Variants in SPAG17 observed in about 807,000 individuals in gnomAD.
SPAG17 encodes the protein sperm-associated antigen 17.
Under a neutral mutation model 273.6 loss-of-function variants are expected in SPAG17, and 169 were observed. That is an observed-to-expected ratio of 0.62 (90% confidence interval 0.55 to 0.70). The LOEUF is 0.70. Ranked by LOEUF, SPAG17 falls within the 30% of genes least tolerant of loss-of-function variation. The probability of loss-of-function intolerance (pLI) is 0.00; values close to 1 mark genes in which losing one functional copy is unlikely to be tolerated. For missense variants in SPAG17, 2,557 were observed against 2,627.8 expected (o/e 0.97, Z 0.59); for synonymous variants, 825 against 873.2 (o/e 0.94, Z 0.97).
intron 29 of SPAG17, among the ~76,000 whole-genome samples, chr1:118,015,751 A>G (rs899826688): frequency 1.3e-5 from 2 of 152,190 alleles, no homozygotes; most frequent in African/African-American, 4.8e-5. Context: ...ACACAAAAAT[A>G]GTCCCTAATG....
At chr1:118,044,156 T>C (rs1650083846) in intron 20 of SPAG17, among the ~76,000 whole-genome samples, 1 of 152,192 alleles carries the variant, frequency 6.6e-6, no homozygotes, top group African/African-American at 2.4e-5. Context: ...ATACTTTTGT[T>C]TTCCTAGAGA....
chr1:118,133,679 G>A (rs1292776774), intron 3 of SPAG17, among the ~76,000 whole-genome samples: 1 of 152,084 alleles, frequency 6.6e-6, no homozygotes, highest in Non-Finnish European at 1.5e-5. Flanking sequence ...TTCCCTTGAG[G>A]CACCTCCTGC....
At chr1:118,053,219 T>C (rs1303550971) in intron 20 of SPAG17, among the ~76,000 whole-genome samples, 2 of 152,052 alleles carry the variant, frequency 1.3e-5, no homozygotes, top group Non-Finnish European at 2.9e-5. Context: ...CAATTAACAA[T>C]AAAGTTGATG....
intron 28 of SPAG17, among the ~76,000 whole-genome samples, chr1:118,018,590 T>G (rs939114624): frequency 1.3e-5 from 2 of 151,624 alleles, no homozygotes; most frequent in African/African-American, 4.9e-5. Flanking sequence ...CTTAGCATTT[T>G]GGGAGGCCAA....
intron 35 of SPAG17, 48 bp downstream of exon 35, chr1:117,994,358 G>C (rs1657426510): frequency 6.4e-7 from 1 of 1,568,174 alleles, no homozygotes; most frequent in African/African-American, 1.4e-5. Context: ...ATTGCCCTTG[G>C]ATGGATGTAT....
chr1:118,133,978 A>G (rs946185433), intron 3 of SPAG17, among the ~76,000 whole-genome samples: 7 of 152,222 alleles, frequency 4.6e-5, no homozygotes, highest in African/African-American at 1.7e-4. Flanking sequence ...TCAACCTTAT[A>G]ATTTTTGCTT....
chr1:118,103,574 A>G (rs1192859482), intron 4 of SPAG17, among the ~76,000 whole-genome samples: 2 of 152,144 alleles, frequency 1.3e-5, no homozygotes, highest in Non-Finnish European at 2.9e-5. Flanking sequence ...TGCACCAGGT[A>G]TAAATTGGTG....
intron 42 of SPAG17, among the ~76,000 whole-genome samples, chr1:117,981,757 A>T (rs1381757593): frequency 6.6e-6 from 1 of 152,208 alleles, no homozygotes; most frequent in Non-Finnish European, 1.5e-5. Context: ...GGCAACTGAG[A>T]TGTTATCTTT....
At chr1:118,103,691 A>G (rs1656210648) in intron 4 of SPAG17, among the ~76,000 whole-genome samples, 1 of 152,206 alleles carries the variant, frequency 6.6e-6, no homozygotes, top group Non-Finnish European at 1.5e-5. Context: ...AATTTTCGTG[A>G]CTGCTATGAA....
intron 48 of SPAG17, chr1:117,961,848 T>C (rs1653143450): frequency 6.6e-6 from 1 of 152,504 alleles, no homozygotes; most frequent in African/African-American, 2.4e-5. Flanking sequence ...CTAGGTGCTT[T>C]CCAAGGAGTC....
rs140201630 is a variant in SPAG17 at position 118,079,153 on chromosome 1, T to C, written c.2209+1948A>G. 2.1e-3 allele frequency among the ~76,000 whole-genome samples: 324 copies of C among 152,222 alleles called. 2 individuals carry two copies. The highest frequency in any genetic ancestry group is 7.6e-3 in the African/African-American group (315 of 41,588). The stretch of plus-strand genomic sequence containing the variant: ...TAATTTTTGTTAAGATTAGAATTAT[T>C]TCTTTCTTAGTGTTTGGTATCAGTT... On this transcript the variant is annotated intron_variant, in intron 15 of 48. Transcript: ENST00000336338.
chr1:118,098,004 G>A (rs141819553), intron 6 of SPAG17, among the ~76,000 whole-genome samples, 153 bp from the exon 7 acceptor site: 407 of 152,236 alleles, frequency 2.7e-3, no homozygotes, highest in African/African-American at 9.3e-3. Flanking sequence ...TTTTGAAGTC[G>A]GAGTATACAA....
At chr1:118,137,654 C>T (rs949376425) in intron 3 of SPAG17, among the ~76,000 whole-genome samples, 3 of 152,160 alleles carry the variant, frequency 2.0e-5, no homozygotes, top group African/African-American at 7.2e-5. Context: ...ATATAGAAAT[C>T]ATATTTCAAT....
At chr1:118,161,633 G>T (rs1313834763) in intron 1 of SPAG17, among the ~76,000 whole-genome samples, 1 of 152,122 alleles carries the variant, frequency 6.6e-6, no homozygotes, top group Non-Finnish European at 1.5e-5. Flanking sequence ...CGCCTCCCGG[G>T]TTTACGCCAT....
At chr1:118,062,499 C>A (rs1264627927) in intron 18 of SPAG17, among the ~76,000 whole-genome samples, 1 of 149,802 alleles carries the variant, frequency 6.7e-6, no homozygotes, top group East Asian at 1.9e-4. Flanking sequence ...ACAAAATAAA[C>A]CTGAAAACAA....
chr1:118,098,634 A>G (rs949666410), intron 6 of SPAG17, among the ~76,000 whole-genome samples: 3 of 152,146 alleles, frequency 2.0e-5, no homozygotes, highest in African/African-American at 7.2e-5. Context: ...CCTAGGTTTG[A>G]ACCTCAACTT....
rs532460606 is a variant in SPAG17 at position 118,008,657 on chromosome 1, C to T, written c.4433-459G>A. Among the ~76,000 whole-genome samples, 11 of 152,120 alleles carry T rather than the reference C, an allele frequency of 7.2e-5. No individual in the cohort carries two copies. The South Asian group carries it at 2.3e-3, about 32-fold the overall frequency. On this transcript the variant is annotated intron_variant, in intron 30 of 48. Coordinates refer to ENST00000336338, the MANE Select transcript of SPAG17 (RefSeq NM_206996.4). ...TTTACACTTTTATGTACATATATAT[C>T]ATGAACAATATAAATGTGTGTGCTT... is the stretch of plus-strand genomic sequence containing the variant.
intron 3 of SPAG17, among the ~76,000 whole-genome samples, chr1:118,129,659 TCTTC>T (rs1657942078): frequency 6.7e-6 from 1 of 149,720 alleles, no homozygotes; most frequent in African/African-American, 2.4e-5. Flanking sequence ...ATCCTCCTTC[TCTTC>T]CTTCTTCTTT....
At chr1:117,996,275 G>T in intron 34 of SPAG17, 95 bp downstream of exon 34, 1 of 1,416,532 alleles carries the variant, frequency 7.1e-7, no homozygotes, top group Non-Finnish European at 9.4e-7. Context: ...GAGCAAAGCG[G>T]AAAAAGTAAG....
Sources: allele counts gnomAD v4.1 joint callset (sites outside exome capture counted in the v4.1 genomes callset), GRCh38; gene constraint gnomAD v4.1.1; transcripts MANE v1.5; gene names NCBI Gene and HGNC (gene_info 2026-07-23, HGNC 2026-07-21).